The following OMD variants were observed in gnomAD, a reference collection of about 807,000 sequenced individuals.
OMD encodes KSPG osteomodulin.
Under a neutral mutation model 31.2 loss-of-function variants are expected in OMD, and 19 were observed. The observed-to-expected ratio is 0.61, with a 90% confidence interval of 0.42 to 0.89. The LOEUF is 0.89. Ranked by LOEUF, OMD falls within the 40% of genes least tolerant of loss-of-function variation. The pLI, the probability that OMD is intolerant of heterozygous loss-of-function variation, is 0.00. For missense variants in OMD, 448 were observed against 490.8 expected, an observed-to-expected ratio of 0.91 and a Z score of 0.82; for synonymous variants, 155 against 166.4, an observed-to-expected ratio of 0.93 and a Z score of 0.53.
chr9:92,415,057 A>G lies in OMD; in HGVS notation c.*95T>C. ...TGATCTTATACTAATACATAATTCT[A>G]AATATATTACTTTGAGTAATACATG... is the stretch of plus-strand genomic sequence containing the variant. On this transcript the variant is annotated 3_prime_UTR_variant, in exon 3 of 3. Transcript: ENST00000375550. 2 of 946,362 alleles carry G rather than the reference A, an allele frequency of 2.1e-6. No individual in the cohort carries two copies. The highest frequency in any genetic ancestry group is 3.1e-6 in the Non-Finnish European group (2 of 654,042). 58.6% of individuals were successfully genotyped at this position (946,362 alleles called of 1,614,324 possible). A position where few individuals can be genotyped will look rare whatever the true frequency, so the allele number is the denominator to read the frequency against.
rs1843525881 is a variant in OMD at position 92,414,339 on chromosome 9, A to T, written c.*813T>A. On this transcript the variant is annotated 3_prime_UTR_variant, in exon 3 of 3. Coordinates refer to ENST00000375550, the MANE Select transcript of OMD (RefSeq NM_005014.3). ...CTTTGCAAATCATTTTGTAACAAAGAGGCCTTTCTATGGTTGTATTTTTAC... is the reference window on the plus strand; with the variant it reads ...CTTTGCAAATCATTTTGTAACAAAGTGGCCTTTCTATGGTTGTATTTTTAC... 1 of 197,702 alleles carries T rather than the reference A, an allele frequency of 5.1e-6. No homozygotes were observed. The highest frequency in any genetic ancestry group is 1.9e-4 in the South Asian group (1 of 5,188). 12.2% of individuals were successfully genotyped at this position (197,702 alleles called of 1,614,324 possible).
chr9:92,416,121 A>G (rs1843604921), intron 2 of OMD, among the ~76,000 whole-genome samples: 1 of 143,524 alleles, frequency 7.0e-6, no homozygotes, highest in Admixed American at 7.1e-5. Flanking sequence ...TTTTTTTAAG[A>G]CAGAGTTTTG....
At position 92,417,478 on chromosome 9, in the gene OMD, C is replaced by T. The variant is rs1484569344; in HGVS notation, c.81G>A (p.Trp27Ter). Residue 27 changes from tryptophan (W) to a stop codon, truncating the protein, a stop_gained, in exon 2 of 3, where the codon TGG becomes TGA. Coordinates refer to ENST00000375550, the MANE Select transcript of OMD (RefSeq NM_005014.3). LOFTEE classifies it high-confidence loss of function. ...CTGGCTCTTGGTCATAGTCTTCATC[C>T]CACTGATAAGTTTCATATTGGCAAT... ...KVHCQYETYQWDEDYDQEPDD... is the reference protein window; with the variant it reads ...KVHCQYETYQ 1 of 1,613,640 alleles carries T rather than the reference C, an allele frequency of 6.2e-7. No individual in the cohort carries two copies. The highest frequency in any genetic ancestry group is 8.5e-7 in the Non-Finnish European group (1 of 1,179,874).
chr9:92,419,372 C>T (rs1315706234), intron 1 of OMD, among the ~76,000 whole-genome samples: 1 of 146,382 alleles, frequency 6.8e-6, no homozygotes, highest in Non-Finnish European at 1.5e-5. Flanking sequence ...GCGATCTCGG[C>T]TCACTGCAGC....
Position 92,417,340 on chromosome 9 carries a change from T to A in OMD, c.219A>T (p.Pro73=). The change falls in exon 2 of 3, where the codon CCA becomes CCT. Residue 73 remains proline (P), a synonymous_variant. Transcript: ENST00000375550. ...VSECFCPTNF[P]SSMYCDNRKL... ...TGCGATTATCACAGTACATTGATGA[T>A]GGAAAGTTAGTTGGACAGAAGCATT... 6.2e-7 allele frequency: 1 copy of A among 1,614,074 alleles called. No individual in the cohort carries two copies. Among genetic ancestry groups the A allele is most frequent in the Non-Finnish European group, 8.5e-7 (1 of 1,179,960 alleles).
In OMD at chr9:92,415,369, A is replaced by T. The variant is rs905388975; in HGVS notation, c.1049T>A (p.Ile350Asn). ...NKLKEPISSY[I>N]FFCFPHIHTI... ...GTGTATATGAGGGAAGCAGAAGAAG[A>T]TGTATGAGCTTATTGGTTCTTTTAG... The change falls in exon 3 of 3, where the codon ATC becomes AAC. Residue 350 changes from isoleucine to asparagine, a missense_variant. By Grantham distance (149) the Ile-to-Asn change is moderately radical. Coordinates refer to ENST00000375550, the MANE Select transcript of OMD (RefSeq NM_005014.3). The T allele has an allele frequency of 6.8e-6, 11 of 1,613,404 alleles. No individual in the cohort carries two copies. The highest frequency in any genetic ancestry group is 9.3e-6 in the Non-Finnish European group (11 of 1,179,588).
rs751104779 is a variant in OMD, at chr9:92,417,444, AATC to A, written c.112_114del (p.Asp38del). The A allele has an allele frequency of 6.2e-7, 1 of 1,614,062 alleles. No homozygotes were observed. The highest frequency in any genetic ancestry group is 8.5e-7 in the Non-Finnish European group (1 of 1,179,954). ...TGACGAAATGGGAATCCTGTTTGGT[AATC>A]ATCATCTGGCTCTTGGTCATAGTCT... On this transcript the variant is annotated inframe_deletion, in exon 2 of 3. Coordinates refer to ENST00000375550, the MANE Select transcript of OMD (RefSeq NM_005014.3).
At chr9:92,422,624 C>T (rs937183650) in intron 1 of OMD, among the ~76,000 whole-genome samples, 1 of 152,194 alleles carries the variant, frequency 6.6e-6, no homozygotes, top group Admixed American at 6.5e-5. Flanking sequence ...TCTTAAACAT[C>T]CTTGTCCTCC....
Position 92,413,789 on chromosome 9 carries a change from T to C in OMD, c.*1363A>G, listed in dbSNP as rs1473989957. Among the ~76,000 whole-genome samples the C allele has an allele frequency of 6.6e-6, 1 of 152,232 alleles. No homozygotes were observed. The highest frequency in any genetic ancestry group is 1.5e-5 in the Non-Finnish European group (1 of 68,026). ...AATGGAGTTTTCTTCATATTCATCC[T>C]GGATTCTTGAGGTTGTCCCTGGGAA... On this transcript the variant is annotated 3_prime_UTR_variant, in exon 3 of 3. Coordinates refer to ENST00000375550, the MANE Select transcript of OMD (RefSeq NM_005014.3).
At position 92,412,575 on chromosome 9, in the gene OMD, G is replaced by T. The variant is rs1021379848; in HGVS notation, c.*2577C>A. ...AGTCTTTGTCTCCATAGATTTCCCA[G>T]TTCTGGACATTTCATAAAGATGGAA... On this transcript the variant is annotated 3_prime_UTR_variant, in exon 3 of 3. Transcript: ENST00000375550. Among the ~76,000 whole-genome samples the T allele has an allele frequency of 2.0e-5, 3 of 152,072 alleles. No homozygotes were observed. Among genetic ancestry groups the T allele is most frequent in the African/African-American group, 4.8e-5 (2 of 41,402 alleles).
At chr9:92,423,585 A>G (rs1218250148) in intron 1 of OMD, among the ~76,000 whole-genome samples, 5 of 152,154 alleles carry the variant, frequency 3.3e-5, no homozygotes, top group African/African-American at 9.7e-5. Flanking sequence ...GCTATTAAAA[A>G]TACAATTACC....
At chr9:92,419,238 T>C (rs1177264781) in intron 1 of OMD, among the ~76,000 whole-genome samples, 1 of 151,536 alleles carries the variant, frequency 6.6e-6, no homozygotes, top group East Asian at 1.9e-4. Context: ...ATCAATAAAA[T>C]AAGAATTGCA....
intron 1 of OMD, among the ~76,000 whole-genome samples, chr9:92,421,502 A>T (rs1471166536): frequency 2.0e-5 from 3 of 152,246 alleles, no homozygotes; most frequent in Non-Finnish European, 1.5e-5. Flanking sequence ...TTATGGTATC[A>T]TACCAAAGGG....
At chr9:92,420,360 C>T (rs1843751291) in intron 1 of OMD, among the ~76,000 whole-genome samples, 1 of 152,140 alleles carries the variant, frequency 6.6e-6, no homozygotes, top group Non-Finnish European at 1.5e-5. Context: ...TTGCACATGC[C>T]CTAAACTTTC....
chr9:92,421,196 C>T (rs944352557), intron 1 of OMD, among the ~76,000 whole-genome samples: 2 of 152,104 alleles, frequency 1.3e-5, no homozygotes, highest in Admixed American at 6.5e-5. Context: ...CGTGCCACCA[C>T]ACCTGGCTAA....
At position 92,414,514 on chromosome 9, in the gene OMD, G is replaced by T; in HGVS notation, c.*638C>A. ...TAATTTTGTTGTTTTGGTATTCTGA[G>T]GCAAAAAGATTAGTTAATTTTGTGA... On this transcript the variant is annotated 3_prime_UTR_variant, in exon 3 of 3. Coordinates refer to ENST00000375550, the MANE Select transcript of OMD (RefSeq NM_005014.3). The T allele has an allele frequency of 4.8e-6, 1 of 209,750 alleles. No homozygotes were observed. The highest frequency in any genetic ancestry group is 7.3e-5 in the East Asian group (1 of 13,780). The allele number at this position is 209,750 out of a possible 1,614,324, so 13.0% of individuals were successfully genotyped here.
intron 1 of OMD, among the ~76,000 whole-genome samples, chr9:92,421,891 C>T (rs2130970494): frequency 6.6e-6 from 1 of 152,142 alleles, no homozygotes; most frequent in East Asian, 1.9e-4. Context: ...CTTACCTCAG[C>T]CTTACGGAGA....
Position 92,415,247 on chromosome 9 carries a change from C to T in OMD, c.1171G>A (p.Glu391Lys). Residue 391 changes from glutamate (E) to lysine (K), a missense_variant, in exon 3 of 3, where the codon GAA becomes AAA. Physicochemically the swap from Glu to Lys is moderately conservative, Grantham distance 56 (BLOSUM62 1). Transcript: ENST00000375550. ...GCATTGTCAGGATCATCGTGATCTT[C>T]ACTTTCATCATCATCATCTGGAAAT... The part of the protein sequence containing the change: ...RRFPDDDDES[E>K]DHDDPDNAHE... 6.2e-7 allele frequency: 1 copy of T among 1,613,770 alleles called. No homozygotes were observed. Among genetic ancestry groups the T allele is most frequent in the South Asian group, 1.1e-5 (1 of 91,078 alleles).
intron 2 of OMD, 51 bp downstream of exon 2, chr9:92,416,568 G>C: frequency 1.7e-6 from 2 of 1,158,910 alleles, no homozygotes; most frequent in Non-Finnish European, 2.4e-6. Context: ...TTCTTTAAAA[G>C]ATCAGGATTC....
Sources: allele counts gnomAD v4.1 joint callset (sites outside exome capture counted in the v4.1 genomes callset), GRCh38; gene constraint gnomAD v4.1.1; transcripts MANE v1.5; gene names NCBI Gene and HGNC (gene_info 2026-07-23, HGNC 2026-07-21).